CSTPP1: variants seen among roughly 807,000 people sequenced by gnomAD.
CSTPP1 encodes the protein UPF0705 protein C11orf49.
the CSTPP1 span, among the ~76,000 whole-genome samples, chr11:46,941,106 T>C: frequency 1.3e-5 from 2 of 152,228 alleles, no homozygotes; most frequent in African/African-American, 4.8e-5. Flanking sequence ...TTGAATCCTA[T>C]ACAAATGCTT....
chr11:47,131,361 A>G, the CSTPP1 span, among the ~76,000 whole-genome samples: 1 of 152,196 alleles, frequency 6.6e-6, no homozygotes, highest in Non-Finnish European at 1.5e-5. Context: ...AGAAATGACT[A>G]AGCTGCTCCC....
At chr11:47,052,533 A>G in the CSTPP1 span, 9 of 1,609,376 alleles carry the variant, frequency 5.6e-6, no homozygotes, top group Non-Finnish European at 6.8e-6. Context: ...GTCTTCCCAA[A>G]TTCTTTTTCC....
the CSTPP1 span, chr11:47,052,925 T>C: frequency 6.4e-6 from 1 of 156,790 alleles, no homozygotes; most frequent in Non-Finnish European, 1.4e-5. Flanking sequence ...GGGCCCAGAT[T>C]TATACCCAGG....
the CSTPP1 span, among the ~76,000 whole-genome samples, chr11:47,142,111 T>C: frequency 1.3e-5 from 2 of 151,502 alleles, no homozygotes; most frequent in Non-Finnish European, 2.9e-5. Flanking sequence ...GGCGTGGTGA[T>C]GCACGCCAGT....
the CSTPP1 span, among the ~76,000 whole-genome samples, chr11:47,150,917 T>C: frequency 1.4e-5 from 2 of 142,370 alleles, no homozygotes; most frequent in Non-Finnish European, 3.0e-5. Context: ...CATGGAGTCT[T>C]GCTCTGTCAT....
chr11:47,075,132 G>T, the CSTPP1 span, among the ~76,000 whole-genome samples: 1 of 152,146 alleles, frequency 6.6e-6, no homozygotes, highest in Non-Finnish European at 1.5e-5. Context: ...GGACTTTGGG[G>T]AGGCCAAGGC....
the CSTPP1 span, among the ~76,000 whole-genome samples, chr11:47,139,537 G>C: frequency 6.6e-6 from 1 of 152,156 alleles, no homozygotes; most frequent in Non-Finnish European, 1.5e-5. Flanking sequence ...AGCCTGGCGT[G>C]GTGGCAGGCA....
the CSTPP1 span, among the ~76,000 whole-genome samples, chr11:47,060,537 C>T: frequency 6.6e-6 from 1 of 152,002 alleles, no homozygotes; most frequent in African/African-American, 2.4e-5. Flanking sequence ...CTCTCAAGCC[C>T]ACAAAGTCCA....
the CSTPP1 span, among the ~76,000 whole-genome samples, chr11:47,024,745 A>G: frequency 6.6e-6 from 1 of 152,052 alleles, no homozygotes; most frequent in Admixed American, 6.5e-5. Flanking sequence ...TTCTGGAACA[A>G]CTATCCCAGG....
chr11:47,017,631 A>G, the CSTPP1 span, among the ~76,000 whole-genome samples: 1 of 151,612 alleles, frequency 6.6e-6, no homozygotes, highest in Non-Finnish European at 1.5e-5. Context: ...TGTCTTTTCA[A>G]CAATGTCATA....
the CSTPP1 span, among the ~76,000 whole-genome samples, chr11:46,946,086 GA>G: frequency 2.4e-3 from 372 of 152,154 alleles, 1 homozygote; most frequent in African/African-American, 8.2e-3. Flanking sequence ...TTGTTGGGGG[GA>G]AAAAAGAGCC....
At chr11:47,038,222 G>T in the CSTPP1 span, among the ~76,000 whole-genome samples, 16 of 112,002 alleles carry the variant, frequency 1.4e-4, no homozygotes, top group African/African-American at 4.3e-4. Context: ...TCCCAGTAGG[G>T]GCGGCCGGCC....
the CSTPP1 span, among the ~76,000 whole-genome samples, chr11:47,081,860 G>A: frequency 1.3e-5 from 2 of 151,924 alleles, no homozygotes; most frequent in Non-Finnish European, 1.5e-5. Context: ...GGAGGCCGAG[G>A]TGGGAGGATT....
the CSTPP1 span, among the ~76,000 whole-genome samples, chr11:47,142,998 T>C: frequency 6.6e-6 from 1 of 152,124 alleles, no homozygotes; most frequent in South Asian, 2.1e-4. Context: ...ATTATGGGAA[T>C]GGCAGTAACA....
chr11:47,006,269 A>T, the CSTPP1 span, among the ~76,000 whole-genome samples: 1 of 152,182 alleles, frequency 6.6e-6, no homozygotes, highest in South Asian at 2.1e-4. Context: ...GATAAATTCT[A>T]GGTTGGCAGC....
the CSTPP1 span, chr11:47,161,021 G>A: frequency 2.3e-5 from 33 of 1,448,464 alleles, no homozygotes; most frequent in Middle Eastern, 3.5e-4. Context: ...ATCGGCCCTC[G>A]CAGGGTCAGC....
At chr11:47,164,384 A>C in the CSTPP1 span, 1 of 1,069,406 alleles carries the variant, frequency 9.4e-7, no homozygotes. Context: ...TCCAGAAAGA[A>C]AGTCAAGTCC....
chr11:46,960,187 A>T, the CSTPP1 span, among the ~76,000 whole-genome samples: 1 of 152,170 alleles, frequency 6.6e-6, no homozygotes, highest in African/African-American at 2.4e-5. Flanking sequence ...TTTGAAAGAC[A>T]CAGAGTCTCA....
chr11:47,091,167 G>A, the CSTPP1 span, among the ~76,000 whole-genome samples: 6 of 151,504 alleles, frequency 4.0e-5, no homozygotes, highest in South Asian at 2.1e-4. Context: ...CAAGGCAGGC[G>A]GATCAGGAGG....
Sources: gnomAD v4.1 joint callset for allele counts (sites outside exome capture counted in the v4.1 genomes callset) on GRCh38, gnomAD v4.1.1 for gene constraint, MANE v1.5 for transcripts, NCBI Gene and HGNC (gene_info 2026-07-23, HGNC 2026-07-21) for gene names.